Variants in RAPGEF1 observed in about 807,000 individuals in gnomAD.
RAPGEF1 encodes Rap guanine nucleotide exchange factor 1, also known as CRK SH3-binding GNRP.
A neutral mutation model predicts 143.3 loss-of-function variants in RAPGEF1; 33 were observed. The observed-to-expected ratio is 0.23, with a 90% confidence interval of 0.17 to 0.31. The LOEUF (loss-of-function observed/expected upper bound fraction) is 0.31. RAPGEF1 is among the 10% of genes least tolerant of loss of function. RAPGEF1 has a pLI of 1.00. For missense variants in RAPGEF1, 1,199 were observed against 1,645.4 expected, an observed-to-expected ratio of 0.73 and a Z score of 4.69; for synonymous variants, 629 against 676.5, an observed-to-expected ratio of 0.93 and a Z score of 1.09.
chr9:131,675,530 G>A lies in RAPGEF1; in HGVS notation c.62-24581C>T, dbSNP rs1216803643. ...CACAAGCCACCTTCCACTAAGAGAC[G>A]AATTACCAATGTACTGGTGGTCCTG... On this transcript the variant is annotated intron_variant, in intron 1 of 26. Coordinates refer to ENST00000683357, the MANE Select transcript of RAPGEF1 (RefSeq NM_001377935.1). The surrounding 1 kb of genome is among the most constrained non-coding windows in gnomAD (Gnocchi z 4.6). Among the ~76,000 whole-genome samples the A allele has an allele frequency of 4.6e-5, 7 of 152,222 alleles. No individual in the cohort carries two copies. The highest frequency in any genetic ancestry group is 1.0e-4 in the Non-Finnish European group (7 of 68,040).
intron 9 of RAPGEF1, 81 bp downstream of exon 9, chr9:131,627,832 C>T: frequency 7.0e-7 from 1 of 1,435,388 alleles, no homozygotes; most frequent in Non-Finnish European, 9.4e-7. Context: ...GATTGCATGA[C>T]CTGGGACTCC....
At chr9:131,693,947 C>T (rs879813392) in intron 1 of RAPGEF1, among the ~76,000 whole-genome samples, 27 of 150,806 alleles carry the variant, frequency 1.8e-4, no homozygotes, top group Non-Finnish European at 4.4e-5. Flanking sequence ...CAATCAGTTT[C>T]TCTCTCTCTC....
At chr9:131,617,894 T>G (rs1337288412) in intron 12 of RAPGEF1, among the ~76,000 whole-genome samples, 2 of 152,222 alleles carry the variant, frequency 1.3e-5, no homozygotes, top group Non-Finnish European at 2.9e-5. Context: ...AGTTTCATTT[T>G]AACAGACGAA....
chr9:131,694,166 T>G (rs1356072117), intron 1 of RAPGEF1, among the ~76,000 whole-genome samples: 3 of 152,172 alleles, frequency 2.0e-5, no homozygotes, highest in Non-Finnish European at 2.9e-5. Flanking sequence ...TGACTTACCC[T>G]TCAGATCCTA....
chr9:131,636,944 G>C (rs1966518047), intron 5 of RAPGEF1, among the ~76,000 whole-genome samples: 2 of 152,336 alleles, frequency 1.3e-5, no homozygotes, highest in Admixed American at 6.5e-5. Context: ...AACATGGGGA[G>C]GCTGGGCGCA....
At position 131,728,369 on chromosome 9, in the gene RAPGEF1, C is replaced by A. The variant is rs924207964; in HGVS notation, c.61+11401G>T. On this transcript the variant is annotated intron_variant, in intron 1 of 26. Transcript: ENST00000683357. ...TGATTTAATTAATCCCCGAAAGTCACCCCGCAAGGAGAAACTGGGGAGGTG... is the reference window on the plus strand; with the variant it reads ...TGATTTAATTAATCCCCGAAAGTCAACCCGCAAGGAGAAACTGGGGAGGTG... Among the ~76,000 whole-genome samples the A allele has an allele frequency of 5.3e-5, 8 of 152,320 alleles. No individual in the cohort carries two copies. In the South Asian group the frequency reaches 1.0e-3, roughly 20 times the overall value.
intron 10 of RAPGEF1, among the ~76,000 whole-genome samples, chr9:131,624,736 C>T (rs965987781): frequency 3.9e-5 from 6 of 152,244 alleles, no homozygotes; most frequent in African/African-American, 1.4e-4. Flanking sequence ...GGAAATGCTT[C>T]TGGCAGTGCC....
chr9:131,676,933 G>A (rs1327515295), intron 1 of RAPGEF1, among the ~76,000 whole-genome samples: 3 of 152,138 alleles, frequency 2.0e-5, no homozygotes, highest in Non-Finnish European at 2.9e-5. Context: ...ACACTCTGGG[G>A]GTAGGCCCAG....
At chr9:131,714,716 T>C (rs887762357) in intron 1 of RAPGEF1, among the ~76,000 whole-genome samples, 1 of 149,380 alleles carries the variant, frequency 6.7e-6, no homozygotes, top group African/African-American at 2.5e-5. Context: ...TTTTTTTTTT[T>C]TTTTTTTTTT....
chr9:131,586,274 A>ACACACC (rs1952757929), intron 22 of RAPGEF1, among the ~76,000 whole-genome samples: 1 of 146,742 alleles, frequency 6.8e-6, no homozygotes, highest in Non-Finnish European at 1.5e-5. Context: ...ACACACACAC[A>ACACACC]CACACACACA....
chr9:131,682,446 G>A (rs1324284765), intron 1 of RAPGEF1, among the ~76,000 whole-genome samples: 1 of 152,218 alleles, frequency 6.6e-6, no homozygotes, highest in African/African-American at 2.4e-5. Flanking sequence ...TCTGCCTGGG[G>A]AACCTCCGCA....
In RAPGEF1 at chr9:131,587,726, CCT is replaced by C; in HGVS notation, c.3233+8_3233+9del. On this transcript the variant is annotated splice_region_variant and intron_variant, in intron 22 of 26. Transcript: ENST00000683357. ...CAGAGCAACAGGGCTTGGCGCTGGG[CCT>C]CTCTTACCAGTAGGACATGTTGTTG... The C allele has an allele frequency of 6.2e-7, 1 of 1,611,854 alleles. No individual in the cohort carries two copies. The highest frequency in any genetic ancestry group is 8.5e-7 in the Non-Finnish European group (1 of 1,179,002).
At chr9:131,687,794 C>G (rs559710789) in intron 1 of RAPGEF1, among the ~76,000 whole-genome samples, 1 of 152,134 alleles carries the variant, frequency 6.6e-6, no homozygotes, top group Non-Finnish European at 1.5e-5. Flanking sequence ...TCCTCCACCC[C>G]CATGCCTTAA....
chr9:131,684,012 G>A (rs1352739617), intron 1 of RAPGEF1, among the ~76,000 whole-genome samples: 1 of 152,226 alleles, frequency 6.6e-6, no homozygotes, highest in African/African-American at 2.4e-5. Flanking sequence ...AGTTGCTAAT[G>A]AAATATCTAA....
At chr9:131,733,098 T>C (rs957611558) in intron 1 of RAPGEF1, among the ~76,000 whole-genome samples, 1 of 152,044 alleles carries the variant, frequency 6.6e-6, no homozygotes, top group Non-Finnish European at 1.5e-5. Context: ...GTTTTCACAT[T>C]GTGTTTGGGG....
chr9:131,585,653 C>T (rs1334782484), intron 22 of RAPGEF1, among the ~76,000 whole-genome samples: 2 of 152,106 alleles, frequency 1.3e-5, no homozygotes, highest in South Asian at 2.1e-4. Flanking sequence ...TGCTTTTCCC[C>T]AGGATGGAGT....
chr9:131,672,819 G>A (rs901974877), intron 1 of RAPGEF1, among the ~76,000 whole-genome samples: 3 of 151,842 alleles, frequency 2.0e-5, no homozygotes, highest in Non-Finnish European at 4.4e-5. Flanking sequence ...GGTAAGAGGG[G>A]GTGACCACCA....
At chr9:131,671,271 G>T (rs899496283) in intron 1 of RAPGEF1, among the ~76,000 whole-genome samples, 1 of 152,222 alleles carries the variant, frequency 6.6e-6, no homozygotes, top group African/African-American at 2.4e-5. Flanking sequence ...TCCTCCACAG[G>T]AGGCAGCCTC....
chr9:131,726,265 T>G (rs1249008636), intron 1 of RAPGEF1, among the ~76,000 whole-genome samples: 1 of 152,126 alleles, frequency 6.6e-6, no homozygotes, highest in Admixed American at 6.6e-5. Context: ...AAAAGGCCGA[T>G]TACACACTTT....
Sources: allele counts gnomAD v4.1 joint callset (sites outside exome capture counted in the v4.1 genomes callset), GRCh38; gene constraint gnomAD v4.1.1; non-coding constraint Gnocchi (gnomAD v3.1); transcripts MANE v1.5; gene names NCBI Gene and HGNC (gene_info 2026-07-23, HGNC 2026-07-21).